The following HS6ST1 variants were observed in gnomAD, a reference collection of about 807,000 sequenced individuals.
HS6ST1 encodes the protein heparan sulfate 6-O-sulfotransferase 1.
HS6ST1 carries 3 observed loss-of-function variants against 25.2 expected under a neutral mutation model. That is an observed-to-expected ratio of 0.12 (90% CI 0.05 to 0.31). The LOEUF (loss-of-function observed/expected upper bound fraction) is 0.31. Among genes scored for constraint, HS6ST1 ranks in the 10% least tolerant of loss-of-function variants. The probability of loss-of-function intolerance (pLI) is 1.00; values close to 1 mark genes in which losing one functional copy is unlikely to be tolerated. For synonymous variants in HS6ST1, 204 were observed against 275.1 expected, an observed-to-expected ratio of 0.74 and a Z score of 2.56; for missense variants, 310 against 609.6, an observed-to-expected ratio of 0.51 and a Z score of 5.18.
At chr2:128,304,880 G>A (rs1694185003) in intron 1 of HS6ST1, among the ~76,000 whole-genome samples, 1 of 152,228 alleles carries the variant, frequency 6.6e-6, no homozygotes, top group Non-Finnish European at 1.5e-5. Context: ...GCACTGGGGA[G>A]GGCGGGTGAC....
chr2:128,294,488 G>C (rs568679574), intron 1 of HS6ST1, among the ~76,000 whole-genome samples: 1 of 152,194 alleles, frequency 6.6e-6, no homozygotes, highest in South Asian at 2.1e-4. Context: ...GTCAAGAGGC[G>C]CTGGCTGTCC....
At chr2:128,273,518 C>T (rs1693644197) in intron 1 of HS6ST1, among the ~76,000 whole-genome samples, 1 of 152,254 alleles carries the variant, frequency 6.6e-6, no homozygotes, top group South Asian at 2.1e-4. Flanking sequence ...TGGCACGCCC[C>T]TCCATAGCCG....
chr2:128,299,548 A>G (rs570198455), intron 1 of HS6ST1, among the ~76,000 whole-genome samples: 2 of 152,344 alleles, frequency 1.3e-5, no homozygotes, highest in Admixed American at 6.5e-5. Context: ...CTGAAGGCAC[A>G]TTGAGGCCCA....
At chr2:128,274,303 G>A (rs923387872) in intron 1 of HS6ST1, among the ~76,000 whole-genome samples, 2 of 152,152 alleles carry the variant, frequency 1.3e-5, no homozygotes, top group African/African-American at 4.8e-5. Context: ...GACCCTTGAA[G>A]CATCTGGACA....
intron 1 of HS6ST1, among the ~76,000 whole-genome samples, chr2:128,304,907 C>T (rs918097119): frequency 2.0e-5 from 3 of 152,240 alleles, no homozygotes; most frequent in Non-Finnish European, 4.4e-5. Context: ...CCCACACACA[C>T]TTGCAGGCCA....
At chr2:128,270,458 T>A (rs1310831079) in intron 1 of HS6ST1, among the ~76,000 whole-genome samples, 1 of 152,236 alleles carries the variant, frequency 6.6e-6, no homozygotes, top group Non-Finnish European at 1.5e-5. Context: ...CCATCCATGC[T>A]GATGGCAGCA....
intron 1 of HS6ST1, among the ~76,000 whole-genome samples, chr2:128,271,422 G>A (rs193287656): frequency 1.3e-5 from 2 of 152,370 alleles, no homozygotes; most frequent in East Asian, 3.9e-4. Context: ...CTGGGCTGGT[G>A]GAGGGTCCGG....
At chr2:128,275,877 T>C (rs1028718500) in intron 1 of HS6ST1, among the ~76,000 whole-genome samples, 4 of 152,158 alleles carry the variant, frequency 2.6e-5, no homozygotes, top group Non-Finnish European at 4.4e-5. Flanking sequence ...CCAGGAGGTG[T>C]TGGGGAGGCT....
intron 1 of HS6ST1, among the ~76,000 whole-genome samples, chr2:128,313,974 T>C (rs1694327596): frequency 6.6e-6 from 1 of 152,096 alleles, no homozygotes. Context: ...TATCTATTTT[T>C]AGTGAAAATC....
At chr2:128,278,003 C>A (rs1216928695) in intron 1 of HS6ST1, among the ~76,000 whole-genome samples, 2 of 152,238 alleles carry the variant, frequency 1.3e-5, no homozygotes, top group African/African-American at 2.4e-5. Flanking sequence ...CAGGGCGTGG[C>A]CACTTCTAAA....
At chr2:128,297,194 T>TAGAC (rs1429608063) in intron 1 of HS6ST1, among the ~76,000 whole-genome samples, 1 of 152,212 alleles carries the variant, frequency 6.6e-6, no homozygotes, top group Non-Finnish European at 1.5e-5. Context: ...GATAGGCATA[T>TAGAC]AGACCAATGG....
chr2:128,312,913 A>G (rs1445723512), intron 1 of HS6ST1, among the ~76,000 whole-genome samples: 2 of 152,160 alleles, frequency 1.3e-5, no homozygotes, highest in African/African-American at 4.8e-5. Context: ...TATAAAAAAA[A>G]TTAGCCAAGT....
intron 1 of HS6ST1, among the ~76,000 whole-genome samples, chr2:128,272,324 C>A (rs957767441): frequency 1.3e-5 from 2 of 152,236 alleles, no homozygotes; most frequent in Admixed American, 1.3e-4. Flanking sequence ...TGAGTGACCG[C>A]CCCTTGGTCA....
At position 128,291,761 on chromosome 2, in the gene HS6ST1, C is replaced by A. The variant is rs1157120331; in HGVS notation, c.528-22891G>T. ...GGCCCCTCCTCTTTCCACGGGGAGG[C>A]CCTGGACAGACCTCACGGAGGCAAC... On this transcript the variant is annotated intron_variant, in intron 1 of 1. Coordinates refer to ENST00000259241, the MANE Select transcript of HS6ST1 (RefSeq NM_004807.3). Among the ~76,000 whole-genome samples, 3 of 152,354 alleles carry A rather than the reference C, an allele frequency of 2.0e-5. No homozygotes were observed. In the East Asian group the frequency reaches 5.8e-4, roughly 29 times the overall value.
intron 1 of HS6ST1, among the ~76,000 whole-genome samples, chr2:128,271,715 C>T (rs577346665): frequency 1.3e-5 from 2 of 152,206 alleles, no homozygotes; most frequent in East Asian, 3.8e-4. Flanking sequence ...AGACGCAGCA[C>T]TCAAAGCTGG....
At chr2:128,286,705 G>T (rs191668072) in intron 1 of HS6ST1, among the ~76,000 whole-genome samples, 4 of 152,056 alleles carry the variant, frequency 2.6e-5, no homozygotes, top group African/African-American at 9.7e-5. Context: ...CTTTATTAGC[G>T]TAGGTTTAGG....
chr2:128,272,619 A>G (rs1693626195), intron 1 of HS6ST1, among the ~76,000 whole-genome samples: 1 of 152,200 alleles, frequency 6.6e-6, no homozygotes, highest in Non-Finnish European at 1.5e-5. Context: ...TTGAGGGGAC[A>G]GTGAGACCCC....
chr2:128,268,901 C>A (rs1364420046), intron 1 of HS6ST1, 31 bp from the exon 2 acceptor site: 2 of 1,575,406 alleles, frequency 1.3e-6, no homozygotes, highest in African/African-American at 2.7e-5. Context: ...GAGGTGAGGG[C>A]TGTGACGCAG....
At chr2:128,309,136 C>T (rs1299225743) in intron 1 of HS6ST1, among the ~76,000 whole-genome samples, 1 of 152,212 alleles carries the variant, frequency 6.6e-6, no homozygotes, top group Non-Finnish European at 1.5e-5. Flanking sequence ...GGTATGGTCC[C>T]GGGGTTTCCC....
Sources: gnomAD v4.1 joint callset for allele counts (sites outside exome capture counted in the v4.1 genomes callset) on GRCh38, gnomAD v4.1.1 for gene constraint, MANE v1.5 for transcripts, NCBI Gene and HGNC (gene_info 2026-07-23, HGNC 2026-07-21) for gene names.